TMEM268: variants seen among roughly 807,000 people sequenced by gnomAD.
The protein encoded by TMEM268 is transmembrane protein C9orf91.
In TMEM268, 24 loss-of-function variants were observed where a neutral mutation model predicts 39.1. The ratio of observed to expected loss-of-function variants is 0.61; its 90% confidence interval spans 0.44 to 0.86. TMEM268 has a LOEUF of 0.86. Ranked by LOEUF, TMEM268 falls within the 40% of genes least tolerant of loss-of-function variation. TMEM268 has a pLI of 0.00. For synonymous variants in TMEM268, 176 were observed against 173.5 expected (o/e 1.01, Z -0.12); for missense variants, 409 against 428.6 (o/e 0.95, Z 0.40).
upstream of TMEM268, among the ~76,000 whole-genome samples, chr9:114,609,380 A>G (rs916881119): frequency 2.0e-5 from 3 of 152,166 alleles, no homozygotes; most frequent in Non-Finnish European, 2.9e-5. Flanking sequence ...ATCTACTTAT[A>G]GAAATGGGCC....
rs1271887963 is a variant in TMEM268, at chr9:114,628,138, C to A, written c.362C>A (p.Thr121Asn). Residue 121 changes from threonine to asparagine, a missense_variant, in exon 5 of 9, where the codon ACC (threonine) becomes AAC (asparagine). Physicochemically the swap from Thr to Asn is moderately conservative, Grantham distance 65 (BLOSUM62 0). Coordinates refer to ENST00000288502, the MANE Select transcript of TMEM268 (RefSeq NM_153045.4). ...YVVVWANIYS[T>N]SQMFALGNHW... ...GTGGTGTGGGCCAATATCTACTCTACCAGTCAGATGTTTGCCTTGGGGAAC... is the reference window on the plus strand; with the variant it reads ...GTGGTGTGGGCCAATATCTACTCTAACAGTCAGATGTTTGCCTTGGGGAAC... 3 of 1,614,058 alleles carry A rather than the reference C, an allele frequency of 1.9e-6. No individual in the cohort carries two copies. Among genetic ancestry groups the A allele is most frequent in the Non-Finnish European group, 2.5e-6 (3 of 1,180,028 alleles).
Position 114,645,880 on chromosome 9 carries a change from T to C in TMEM268, c.*2567T>C, listed in dbSNP as rs1827552155. ...TTATAAAATCCCTATGATCTCTGTC[T>C]CACCTACTTTACAGGGTTGCTGTGA... On this transcript the variant is annotated 3_prime_UTR_variant, in exon 9 of 9. Coordinates refer to ENST00000288502, the MANE Select transcript of TMEM268 (RefSeq NM_153045.4). 1 of 152,272 alleles carries C rather than the reference T, an allele frequency of 6.6e-6. No individual in the cohort carries two copies. Among genetic ancestry groups the C allele is most frequent in the Non-Finnish European group, 1.5e-5 (1 of 68,040 alleles). The allele number at this position is 152,272 out of a possible 1,614,324, so 9.4% of individuals were successfully genotyped here.
At chr9:114,638,835 G>A in intron 8 of TMEM268, 109 bp downstream of exon 8, 1 of 734,370 alleles carries the variant, frequency 1.4e-6, no homozygotes, top group Admixed American at 4.1e-5. Flanking sequence ...CTCTCAGTTA[G>A]TAGACACCAC....
intron 8 of TMEM268, among the ~76,000 whole-genome samples, chr9:114,641,084 C>T (rs1827312892): frequency 6.6e-6 from 1 of 152,100 alleles, no homozygotes; most frequent in Admixed American, 6.6e-5. Context: ...CCATGTTGGC[C>T]AGGCTGGTCT....
upstream of TMEM268, among the ~76,000 whole-genome samples, chr9:114,609,107 C>T (rs184657311): frequency 3.0e-4 from 45 of 151,958 alleles, no homozygotes; most frequent in Non-Finnish European, 5.0e-4. Flanking sequence ...GTCGGGAGTT[C>T]GAGACCAGCC....
intron 4 of TMEM268, among the ~76,000 whole-genome samples, chr9:114,627,500 A>G (rs549038971): frequency 2.6e-5 from 4 of 152,228 alleles, no homozygotes; most frequent in Non-Finnish European, 5.9e-5. Flanking sequence ...ATTTGAACCC[A>G]GGCAGTCTGG....
chr9:114,619,518 G>T (rs1412113852), intron 2 of TMEM268, among the ~76,000 whole-genome samples: 1 of 152,220 alleles, frequency 6.6e-6, no homozygotes, highest in Non-Finnish European at 1.5e-5. Flanking sequence ...ACGTAATTCA[G>T]TGTACAACGA....
chr9:114,626,680 G>C (rs1056084721), intron 3 of TMEM268, among the ~76,000 whole-genome samples: 1 of 152,226 alleles, frequency 6.6e-6, no homozygotes, highest in African/African-American at 2.4e-5. Flanking sequence ...GCAAGGTACT[G>C]AGTCTGAGGC....
chr9:114,636,138 G>A (rs1424815716), intron 6 of TMEM268, among the ~76,000 whole-genome samples: 1 of 152,178 alleles, frequency 6.6e-6, no homozygotes, highest in Non-Finnish European at 1.5e-5. Context: ...TAGGATGTGT[G>A]GCAGCTGTGG....
At chr9:114,615,262 G>A (rs898196884) in intron 1 of TMEM268, among the ~76,000 whole-genome samples, 3 of 152,182 alleles carry the variant, frequency 2.0e-5, no homozygotes, top group African/African-American at 7.2e-5. Context: ...TGACCTGGCT[G>A]TAGGGGCTTT....
intron 3 of TMEM268, 147 bp from the exon 4 acceptor site, chr9:114,626,752 T>G: frequency 1.8e-6 from 1 of 565,606 alleles, no homozygotes; most frequent in Non-Finnish European, 3.3e-6. Flanking sequence ...AGCTGCACCA[T>G]GTGACTTCCA....
At chr9:114,604,196 T>C in the TMEM268 span, among the ~76,000 whole-genome samples, 1 of 152,130 alleles carries the variant, frequency 6.6e-6, no homozygotes, top group African/African-American at 2.4e-5. Context: ...ACCCATCTGA[T>C]TCTTTTCCCT....
upstream of TMEM268, among the ~76,000 whole-genome samples, chr9:114,609,830 AAGAG>A (rs1032074369): frequency 6.3e-5 from 8 of 126,152 alleles, no homozygotes; most frequent in East Asian, 5.4e-4. Context: ...CAAAGAAAGA[AAGAG>A]AGAAAGAAAG....
At chr9:114,640,763 T>TA (rs1174891865) in intron 8 of TMEM268, among the ~76,000 whole-genome samples, 3 of 152,222 alleles carry the variant, frequency 2.0e-5, no homozygotes, top group Non-Finnish European at 4.4e-5. Flanking sequence ...AAGCTAATCT[T>TA]ATGAACCATG....
At chr9:114,620,383 G>C (rs1589333977) in intron 2 of TMEM268, among the ~76,000 whole-genome samples, 1 of 151,992 alleles carries the variant, frequency 6.6e-6, no homozygotes, top group East Asian at 1.9e-4. Context: ...TAGCTGGGAC[G>C]ACAGGCACGT....
At position 114,643,562 on chromosome 9, in the gene TMEM268, A is replaced by C; in HGVS notation, c.*249A>C. 2.1e-6 allele frequency: 1 copy of C among 481,664 alleles called. No homozygotes were observed. The allele number at this position is 481,664 out of a possible 1,614,324, so 29.8% of individuals were successfully genotyped here. Reference sequence around the variant, plus strand: ...GATGGTTACAGAGCTAGTCCCACCAAAGCTACTCTCTCTGCTGCTTAGAAC... The same window carrying C: ...GATGGTTACAGAGCTAGTCCCACCACAGCTACTCTCTCTGCTGCTTAGAAC... On this transcript the variant is annotated 3_prime_UTR_variant, in exon 9 of 9. Coordinates refer to ENST00000288502, the MANE Select transcript of TMEM268 (RefSeq NM_153045.4).
chr9:114,611,760 G>A (rs1396584297), intron 1 of TMEM268, among the ~76,000 whole-genome samples, 196 bp downstream of exon 1: 1 of 152,196 alleles, frequency 6.6e-6, no homozygotes, highest in African/African-American at 2.4e-5. Flanking sequence ...CGTGCCGGCC[G>A]TGGGAGCGGC....
chr9:114,634,470 G>A (rs1009094955), intron 6 of TMEM268, among the ~76,000 whole-genome samples: 11 of 152,152 alleles, frequency 7.2e-5, no homozygotes, highest in Non-Finnish European at 1.3e-4. Flanking sequence ...TCTTTGCCCC[G>A]AAGGTTGGGG....
intron 5 of TMEM268, among the ~76,000 whole-genome samples, chr9:114,629,556 C>A (rs910657404): frequency 6.6e-6 from 1 of 152,228 alleles, no homozygotes; most frequent in South Asian, 2.1e-4. Context: ...TAAATTTCAT[C>A]GGTGGCTTTA....
Sources: gnomAD v4.1 joint callset for allele counts (sites outside exome capture counted in the v4.1 genomes callset) on GRCh38, gnomAD v4.1.1 for gene constraint, MANE v1.5 for transcripts, NCBI Gene and HGNC (gene_info 2026-07-23, HGNC 2026-07-21) for gene names.